Variants in TMEM117 observed in about 807,000 individuals in gnomAD.
TMEM117 encodes transmembrane protein 117.
In TMEM117, 27 loss-of-function variants were observed where a neutral mutation model predicts 52.4. The ratio of observed to expected loss-of-function variants is 0.51; its 90% CI spans 0.38 to 0.71. The LOEUF (loss-of-function observed/expected upper bound fraction) is 0.71, where lower values mean the gene tolerates loss of function less well. Among genes scored for constraint, TMEM117 ranks in the 30% least tolerant of loss-of-function variants. The pLI is 0.00. For synonymous variants in TMEM117, 215 were observed against 206.3 expected, an observed-to-expected ratio of 1.04 and a Z score of -0.36; for missense variants, 556 against 630.5, an observed-to-expected ratio of 0.88 and a Z score of 1.26.
intron 2 of TMEM117, among the ~76,000 whole-genome samples, chr12:43,855,677 T>C (rs1281540354): frequency 6.6e-6 from 1 of 152,204 alleles, no homozygotes; most frequent in Non-Finnish European, 1.5e-5. Context: ...TTCTAGTTTG[T>C]ATATTTCATT....
chr12:44,165,688 C>A (rs985045960), intron 4 of TMEM117, among the ~76,000 whole-genome samples: 2 of 152,170 alleles, frequency 1.3e-5, no homozygotes, highest in African/African-American at 4.8e-5. Flanking sequence ...ATTCTAATTA[C>A]ATATGCACCT....
At chr12:43,937,986 T>A (rs755330482) in intron 2 of TMEM117, among the ~76,000 whole-genome samples, 5 of 152,022 alleles carry the variant, frequency 3.3e-5, no homozygotes, top group Non-Finnish European at 7.4e-5. Context: ...GACAAGGCTT[T>A]ATTTTGCGGC....
intron 3 of TMEM117, among the ~76,000 whole-genome samples, chr12:44,046,974 G>T (rs1343634664): frequency 1.3e-5 from 2 of 152,148 alleles, no homozygotes; most frequent in Non-Finnish European, 2.9e-5. Flanking sequence ...GATCTTAAGA[G>T]ATGTGTATGG....
chr12:44,180,598 G>A (rs890495117), intron 4 of TMEM117, among the ~76,000 whole-genome samples: 3 of 146,570 alleles, frequency 2.0e-5, no homozygotes, highest in African/African-American at 7.6e-5. Context: ...GTGAGAATAT[G>A]CGGTGTCTGG....
At chr12:44,199,640 A>G (rs1158754437) in intron 4 of TMEM117, among the ~76,000 whole-genome samples, 2 of 152,210 alleles carry the variant, frequency 1.3e-5, no homozygotes, top group Non-Finnish European at 2.9e-5. Context: ...CCATGATGAC[A>G]GTTATACCAG....
At chr12:44,387,923 T>G in intron 7 of TMEM117, 103 bp from the exon 8 acceptor site, 1 of 1,057,486 alleles carries the variant, frequency 9.5e-7, no homozygotes, top group South Asian at 1.7e-5. Flanking sequence ...GTCTGAAACA[T>G]TAACAATTGA....
intron 3 of TMEM117, among the ~76,000 whole-genome samples, chr12:43,954,302 C>G (rs1454377787): frequency 6.6e-6 from 1 of 151,826 alleles, no homozygotes; most frequent in Non-Finnish European, 1.5e-5. Flanking sequence ...TAAACAAGCT[C>G]AGAGTGGAAC....
At chr12:44,175,924 G>A (rs905916546) in intron 4 of TMEM117, among the ~76,000 whole-genome samples, 3 of 152,288 alleles carry the variant, frequency 2.0e-5, no homozygotes, top group Middle Eastern at 3.4e-3. Context: ...TTCAGTAGAT[G>A]TTATGATGTA....
chr12:43,915,240 A>T (rs1476243954), intron 2 of TMEM117, among the ~76,000 whole-genome samples: 6 of 152,076 alleles, frequency 3.9e-5, no homozygotes, highest in Admixed American at 3.9e-4. Context: ...CACACTTTAG[A>T]CTTCTCCTTC....
In TMEM117 at chr12:44,242,742, A is replaced by G. The variant is rs569842357; in HGVS notation, c.608+31355A>G. On this transcript the variant is annotated intron_variant, in intron 5 of 7. Transcript: ENST00000266534. Reference sequence around the variant, plus strand: ...TAGATATATTCTATCTATATATTATAGTCTATCTATATATTATATTCTATA... The same window carrying G: ...TAGATATATTCTATCTATATATTATGGTCTATCTATATATTATATTCTATA... 3.7e-4 allele frequency among the ~76,000 whole-genome samples: 55 copies of G among 148,026 alleles called. No homozygotes were observed. The East Asian group carries it at 0.01, about 28-fold the overall frequency.
chr12:43,797,903 A>C, the TMEM117 span: 2 of 1,497,612 alleles, frequency 1.3e-6, no homozygotes, highest in Non-Finnish European at 9.0e-7. Flanking sequence ...AAGAAAACCC[A>C]ACCTCTATAA....
chr12:44,225,649 A>G (rs1443774199), intron 5 of TMEM117, among the ~76,000 whole-genome samples: 1 of 121,748 alleles, frequency 8.2e-6, no homozygotes, highest in South Asian at 2.4e-4. Context: ...TTACCACAGT[A>G]TATTTTTTAA....
intron 4 of TMEM117, among the ~76,000 whole-genome samples, chr12:44,207,816 C>A (rs1486509520): frequency 3.3e-5 from 5 of 150,024 alleles, no homozygotes; most frequent in Admixed American, 6.6e-5. Flanking sequence ...AAAAAAAAAA[C>A]CTACTAAGAA....
At chr12:44,193,570 G>A (rs1478131460) in intron 4 of TMEM117, among the ~76,000 whole-genome samples, 2 of 152,102 alleles carry the variant, frequency 1.3e-5, no homozygotes, top group African/African-American at 4.8e-5. Context: ...ATAAGGCCAG[G>A]AACCTTGAAT....
intron 7 of TMEM117, among the ~76,000 whole-genome samples, chr12:44,381,536 T>C (rs1952020546): frequency 6.6e-6 from 1 of 151,922 alleles, no homozygotes; most frequent in Non-Finnish European, 1.5e-5. Flanking sequence ...CTGAGTAAAT[T>C]AGGAGGGGGT....
Position 43,892,078 on chromosome 12 carries a change from C to T in TMEM117, c.277+47150C>T, listed in dbSNP as rs144867581. Among the ~76,000 whole-genome samples, 37 of 152,228 alleles carry T rather than the reference C, an allele frequency of 2.4e-4. No individual in the cohort carries two copies. The East Asian group carries it at 7.0e-3, about 29-fold the overall frequency. On this transcript the variant is annotated intron_variant, in intron 2 of 7. Transcript: ENST00000266534. Reference sequence around the variant, plus strand: ...TCCTGGTATCAGGAGGTCAAGACTACCCCTAGTTTTAATGACTCATGAGGA... The same window carrying T: ...TCCTGGTATCAGGAGGTCAAGACTATCCCTAGTTTTAATGACTCATGAGGA...
the TMEM117 span, among the ~76,000 whole-genome samples, chr12:43,818,763 T>C: frequency 6.6e-6 from 1 of 152,152 alleles, no homozygotes; most frequent in East Asian, 1.9e-4. Context: ...CTTTTAATCT[T>C]AACATTTTAA....
the TMEM117 span, among the ~76,000 whole-genome samples, chr12:43,809,250 A>G: frequency 6.6e-6 from 1 of 152,198 alleles, no homozygotes; most frequent in African/African-American, 2.4e-5. Flanking sequence ...AACCTTTTTG[A>G]TAGATTCATT....
chr12:43,865,321 T>C (rs1002739991), intron 2 of TMEM117, among the ~76,000 whole-genome samples: 11 of 152,160 alleles, frequency 7.2e-5, no homozygotes, highest in Non-Finnish European at 1.5e-4. Context: ...ACTTGGGCAT[T>C]GAAACCCCAG....
Sources: gnomAD v4.1 joint callset for allele counts (sites outside exome capture counted in the v4.1 genomes callset) on GRCh38, gnomAD v4.1.1 for gene constraint, MANE v1.5 for transcripts, NCBI Gene and HGNC (gene_info 2026-07-23, HGNC 2026-07-21) for gene names.